The following UBASH3B variants were observed in gnomAD, a reference collection of about 807,000 sequenced individuals.
UBASH3B encodes the protein ubiquitin associated and SH3 domain containing B, also known as ubiquitin-associated and SH3 domain-containing protein B.
A neutral mutation model predicts 83.4 loss-of-function variants in UBASH3B; 37 were observed. The ratio of observed to expected loss-of-function variants is 0.44; its 90% CI spans 0.34 to 0.58. UBASH3B has a LOEUF of 0.58. UBASH3B is among the 20% of genes least tolerant of loss of function. The pLI is 0.01. For missense variants in UBASH3B, 657 were observed against 827.2 expected (o/e 0.79, Z 2.52); for synonymous variants, 304 against 318.3 (o/e 0.96, Z 0.48).
intron 1 of UBASH3B, among the ~76,000 whole-genome samples, chr11:122,772,030 TCTAA>T (rs140791458): frequency 3.8e-3 from 576 of 152,330 alleles, no homozygotes; most frequent in African/African-American, 0.013. Context: ...TATTGTGAAC[TCTAA>T]CTACCTCAAG....
intron 13 of UBASH3B, among the ~76,000 whole-genome samples, chr11:122,809,019 A>C (rs1861391518): frequency 6.7e-6 from 1 of 150,360 alleles, no homozygotes; most frequent in Non-Finnish European, 1.5e-5. Flanking sequence ...ATTGAAAAAT[A>C]TTTTCCATTG....
At chr11:122,742,461 A>AG (rs1441577199) in intron 1 of UBASH3B, among the ~76,000 whole-genome samples, 1 of 152,200 alleles carries the variant, frequency 6.6e-6, no homozygotes, top group Non-Finnish European at 1.5e-5. Flanking sequence ...TAAAAGGAAG[A>AG]GGGCCAGGAA....
intron 11 of UBASH3B, among the ~76,000 whole-genome samples, chr11:122,801,635 G>C (rs1267696832): frequency 2.6e-5 from 4 of 152,198 alleles, no homozygotes; most frequent in Non-Finnish European, 4.4e-5. Flanking sequence ...ACGAGCTAAT[G>C]ATGATGCAGT....
intron 7 of UBASH3B, among the ~76,000 whole-genome samples, chr11:122,795,493 C>T (rs3892187): frequency 0.44 from 67,648 of 152,094 alleles, 15,902 homozygotes; most frequent in Middle Eastern, 0.62. Flanking sequence ...AGACGGAATG[C>T]AGAAACAGCT....
chr11:122,788,994 C>A, intron 5 of UBASH3B, 106 bp from the exon 6 acceptor site: 1 of 1,049,464 alleles, frequency 9.5e-7, no homozygotes, highest in Non-Finnish European at 1.4e-6. Context: ...GGGCACATCG[C>A]CCTCTGGAGG....
Position 122,764,309 on chromosome 11 carries a change from AG to A in UBASH3B, c.162-11908del, listed in dbSNP as rs201479989. 3.6e-4 allele frequency among the ~76,000 whole-genome samples: 55 copies of A among 152,354 alleles called. 1 individual carries two copies. In the East Asian group the frequency reaches 0.01, roughly 29 times the overall value. On this transcript the variant is annotated intron_variant, in intron 1 of 13. Coordinates refer to ENST00000284273, the MANE Select transcript of UBASH3B (RefSeq NM_032873.5). ...TCACTATCACTTACGGTTGTTTCTG[AG>A]GACCTCAAAACACTTTATCGATGTC...
chr11:122,705,566 CTA>C, intron 1 of UBASH3B, among the ~76,000 whole-genome samples: 1 of 152,106 alleles, frequency 6.6e-6, no homozygotes, highest in East Asian at 1.9e-4. Context: ...CCTTTACACG[CTA>C]TGACAGTGTC....
At chr11:122,793,163 A>T (rs1440026945) in intron 6 of UBASH3B, among the ~76,000 whole-genome samples, 1 of 152,152 alleles carries the variant, frequency 6.6e-6, no homozygotes, top group East Asian at 1.9e-4. Context: ...CAGGCAGATC[A>T]CCTGAGGTCA....
rs1861351187 is a variant in UBASH3B at position 122,806,903 on chromosome 11, C to T, written c.1702+387C>T. The stretch of plus-strand genomic sequence containing the variant: ...CAAACACATACACCTTCCCTGCTAT[C>T]ACCAACCAAGAGCAGTGTTGTATAA... On this transcript the variant is annotated intron_variant, in intron 12 of 13. Coordinates refer to ENST00000284273, the MANE Select transcript of UBASH3B (RefSeq NM_032873.5). This position sits in a 1 kb window ranked among gnomAD's most constrained non-coding sequence, Gnocchi z 4.0. Among the ~76,000 whole-genome samples the T allele has an allele frequency of 6.6e-6, 1 of 152,190 alleles. No individual in the cohort carries two copies. The highest frequency in any genetic ancestry group is 1.5e-5 in the Non-Finnish European group (1 of 68,038).
chr11:122,722,946 C>T (rs1860666461), intron 1 of UBASH3B, among the ~76,000 whole-genome samples: 1 of 152,148 alleles, frequency 6.6e-6, no homozygotes. Context: ...ATCTCATGAT[C>T]CGCCCATCTC....
chr11:122,682,212 AAT>A (rs893750155), intron 1 of UBASH3B, among the ~76,000 whole-genome samples: 1 of 152,182 alleles, frequency 6.6e-6, no homozygotes, highest in Non-Finnish European at 1.5e-5. Context: ...AATTAATTAT[AAT>A]AGTTTTCATT....
intron 1 of UBASH3B, among the ~76,000 whole-genome samples, chr11:122,692,209 A>G (rs182439765): frequency 1.7e-4 from 26 of 152,340 alleles, no homozygotes; most frequent in Admixed American, 6.5e-4. Flanking sequence ...TAGGTACTCC[A>G]TATAAGTCAG....
Position 122,779,615 on chromosome 11 carries a change from G to C in UBASH3B, c.521G>C (p.Gly174Ala), listed in dbSNP as rs748859060. 6.2e-7 allele frequency: 1 copy of C among 1,614,178 alleles called. No individual in the cohort carries two copies. Among genetic ancestry groups the C allele is most frequent in the Admixed American group, 1.7e-5 (1 of 60,020 alleles). The change falls in exon 4 of 14, where the codon GGC becomes GCC. Residue 174 changes from glycine (G) to alanine (A), a missense_variant. Gly to Ala is a moderately conservative substitution (Grantham distance 60, BLOSUM62 0). This residue lies in a region of UBASH3B where 573 missense variants were observed against 739.0 expected (regional missense o/e 0.78). Coordinates refer to ENST00000284273, the MANE Select transcript of UBASH3B (RefSeq NM_032873.5). ...LELYTSSNFI[G>A]LFVKEDSAEV... ...CTCTATACGTCGTCCAACTTCATCG[G>C]CCTCTTTGTAAAGGAAGACAGTGCG...
intron 1 of UBASH3B, among the ~76,000 whole-genome samples, chr11:122,717,488 A>C (rs1487376613): frequency 6.6e-6 from 1 of 152,224 alleles, no homozygotes; most frequent in Non-Finnish European, 1.5e-5. Flanking sequence ...GGCCTCCACC[A>C]CATGCATTAG....
intron 1 of UBASH3B, among the ~76,000 whole-genome samples, chr11:122,661,178 A>G (rs1037403323): frequency 1.3e-5 from 2 of 152,104 alleles, no homozygotes; most frequent in African/African-American, 4.8e-5. Context: ...TTTTTTTTCT[A>G]CTGAGAATAT....
intron 1 of UBASH3B, among the ~76,000 whole-genome samples, chr11:122,765,774 C>T (rs553317027): frequency 6.6e-5 from 10 of 152,240 alleles, no homozygotes; most frequent in African/African-American, 9.6e-5. Context: ...TGGGAGCTCA[C>T]GTATGTTTTA....
intron 1 of UBASH3B, 70 bp from the exon 2 acceptor site, chr11:122,776,149 C>T: frequency 6.9e-7 from 1 of 1,454,900 alleles, no homozygotes; most frequent in Non-Finnish European, 9.5e-7. Context: ...CTCCTTCACA[C>T]TCAGCTCTTG....
intron 1 of UBASH3B, among the ~76,000 whole-genome samples, chr11:122,678,818 C>T (rs1369889669): frequency 6.6e-6 from 1 of 152,196 alleles, no homozygotes; most frequent in Non-Finnish European, 1.5e-5. Context: ...AAAGGAACCG[C>T]GTACCAGGAT....
chr11:122,678,819 G>A (rs1305869194), intron 1 of UBASH3B, among the ~76,000 whole-genome samples: 2 of 152,180 alleles, frequency 1.3e-5, no homozygotes, highest in Admixed American at 6.5e-5. Context: ...AAGGAACCGC[G>A]TACCAGGATT....
Sources: allele counts gnomAD v4.1 joint callset (sites outside exome capture counted in the v4.1 genomes callset), GRCh38; gene constraint gnomAD v4.1.1; regional missense constraint gnomAD v4.1.1; non-coding constraint Gnocchi (gnomAD v3.1); transcripts MANE v1.5; gene names NCBI Gene and HGNC (gene_info 2026-07-23, HGNC 2026-07-21).